PCDHA2: variants seen among roughly 807,000 people sequenced by gnomAD.
PCDHA2 encodes the protein protocadherin alpha 2, also known as protocadherin alpha-2.
A neutral mutation model predicts 66.0 loss-of-function variants in PCDHA2; 58 were observed. That is an observed-to-expected ratio of 0.88 (90% confidence interval 0.71 to 1.09). The LOEUF is 1.09. PCDHA2 is among the 50% of genes least tolerant of loss of function. The pLI, the probability that PCDHA2 is intolerant of heterozygous loss-of-function variation, is 0.00. For missense variants in PCDHA2, 1,267 were observed against 1,242.3 expected (o/e 1.02, Z -0.30); for synonymous variants, 634 against 554.0 (o/e 1.14, Z -2.03).
Position 140,830,193 on chromosome 5 carries a change from T to C in PCDHA2, c.2388+32841T>C, listed in dbSNP as rs1770885787. ...CTGGTGGATGTCAACGTGTACCTGA[T>C]CATCGCCATCTGCGCGGTATCCAGC... is the stretch of plus-strand genomic sequence containing the variant. On this transcript the variant is annotated intron_variant, in intron 1 of 3. Transcript: ENST00000526136. The C allele has an allele frequency of 2.5e-6, 4 of 1,613,664 alleles. No homozygotes were observed. In the African/African-American group the frequency reaches 5.3e-5, roughly 22 times the overall value.
At chr5:140,801,966 A>G in intron 1 of PCDHA2, 1 of 1,614,214 alleles carries the variant, frequency 6.2e-7, no homozygotes, top group Middle Eastern at 1.6e-4. Context: ...AAATGCACCA[A>G]ATGGTACCCT....
chr5:140,870,555 G>A (rs1554164406), intron 1 of PCDHA2: 1 of 1,613,926 alleles, frequency 6.2e-7, no homozygotes, highest in Non-Finnish European at 8.5e-7. Context: ...CGGACGCGCA[G>A]GAGAACGCGC....
chr5:140,857,491 G>A, intron 1 of PCDHA2: 2 of 1,598,340 alleles, frequency 1.3e-6, no homozygotes, highest in Non-Finnish European at 1.7e-6. Flanking sequence ...CGTGGGACGC[G>A]GACGCGCAGG....
At chr5:140,926,704 T>A in intron 1 of PCDHA2, 1 of 842,670 alleles carries the variant, frequency 1.2e-6, no homozygotes, top group Non-Finnish European at 1.7e-6. Context: ...GGCTCCCAGC[T>A]GGCCAGCCCC....
chr5:140,884,135 C>A (rs1554181269), intron 1 of PCDHA2: 1 of 1,613,422 alleles, frequency 6.2e-7, no homozygotes. Context: ...CATCCCGTTC[C>A]GCGTGGGGCT....
At chr5:140,806,703 T>G (rs1251029622) in intron 1 of PCDHA2, among the ~76,000 whole-genome samples, 1 of 152,232 alleles carries the variant, frequency 6.6e-6, no homozygotes, top group Non-Finnish European at 1.5e-5. Flanking sequence ...GAATCTGTAA[T>G]GAATTTTTCT....
Position 140,843,512 on chromosome 5 carries a change from G to T in PCDHA2, c.2388+46160G>T, listed in dbSNP as rs2150361484. The T allele has an allele frequency of 6.3e-6, 10 of 1,595,848 alleles. 1 individual carries two copies. Among genetic ancestry groups the T allele is most frequent in the Non-Finnish European group, 8.6e-6 (10 of 1,165,572 alleles). On this transcript the variant is annotated intron_variant, in intron 1 of 3. Coordinates refer to ENST00000526136, the MANE Select transcript of PCDHA2 (RefSeq NM_018905.3). ...GTGCTCAGCACTGCCCACTGAGGGC[G>T]GGTGCCGGGCGGGCAAGCCCACTCT...
intron 1 of PCDHA2, chr5:140,968,969 A>G (rs1554231287): frequency 1.9e-6 from 3 of 1,614,230 alleles, no homozygotes; most frequent in Non-Finnish European, 2.5e-6. Context: ...CTACCGCTAC[A>G]CTGCGTATGG....
intron 1 of PCDHA2, among the ~76,000 whole-genome samples, chr5:140,946,700 G>T (rs2094011625): frequency 6.7e-6 from 1 of 148,322 alleles, no homozygotes; most frequent in African/African-American, 2.5e-5. Flanking sequence ...GGATGAATCT[G>T]GAGGTCATTA....
At chr5:140,841,819 C>T (rs2150323482) in intron 1 of PCDHA2, 6 of 1,613,756 alleles carry the variant, frequency 3.7e-6, no homozygotes, top group South Asian at 2.2e-5. Context: ...GAGCTAACTC[C>T]GTGTTAACCT....
chr5:140,958,385 A>C (rs2095421525), intron 1 of PCDHA2, among the ~76,000 whole-genome samples: 1 of 152,206 alleles, frequency 6.6e-6, no homozygotes, highest in African/African-American at 2.4e-5. Flanking sequence ...TTTTCTTAAC[A>C]GGTCATCAAA....
chr5:140,961,464 C>G (rs1364555316), intron 1 of PCDHA2, among the ~76,000 whole-genome samples: 1 of 152,126 alleles, frequency 6.6e-6, no homozygotes, highest in Non-Finnish European at 1.5e-5. Flanking sequence ...AGCTGCCTTT[C>G]TTTTTTTGTC....
At chr5:140,918,595 A>T (rs2078770795) in intron 1 of PCDHA2, among the ~76,000 whole-genome samples, 1 of 152,228 alleles carries the variant, frequency 6.6e-6, no homozygotes, top group Non-Finnish European at 1.5e-5. Context: ...TGTTCTATAG[A>T]TGTTGCTATG....
At chr5:140,841,405 C>G (rs2150314710) in intron 1 of PCDHA2, 2 of 1,612,994 alleles carry the variant, frequency 1.2e-6, no homozygotes, top group African/African-American at 1.3e-5. Context: ...AGGTGGGGAG[C>G]GGCCAGCTCC....
In PCDHA2 at chr5:140,806,026, T is replaced by C. The variant is rs545736879; in HGVS notation, c.2388+8674T>C. 3.3e-5 allele frequency among the ~76,000 whole-genome samples: 5 copies of C among 152,270 alleles called. No individual in the cohort carries two copies. In the East Asian group the frequency reaches 9.6e-4, roughly 29 times the overall value. On this transcript the variant is annotated intron_variant, in intron 1 of 3. Transcript: ENST00000526136. ...CACATACTCAAATGCTTATAAGAGA[T>C]AAATTAATGTAATAAATGGCCCACG...
intron 1 of PCDHA2, chr5:140,812,413 T>C (rs2126638676): frequency 6.6e-6 from 1 of 152,122 alleles, no homozygotes; most frequent in African/African-American, 2.4e-5. Context: ...GTCAGTTTTG[T>C]TGTTTTTTCA....
At chr5:140,880,317 A>C (rs1295276378) in intron 1 of PCDHA2, among the ~76,000 whole-genome samples, 1 of 152,248 alleles carries the variant, frequency 6.6e-6, no homozygotes, top group East Asian at 1.9e-4. Flanking sequence ...ACAAGTAAAA[A>C]ATAAGATACT....
intron 1 of PCDHA2, chr5:140,928,710 T>C (rs1370353227): frequency 3.7e-6 from 6 of 1,614,192 alleles, no homozygotes; most frequent in Non-Finnish European, 5.1e-6. Context: ...CGTCTGACTC[T>C]AGTCTCTTTA....
intron 1 of PCDHA2, chr5:140,829,309 G>T (rs2150165707): frequency 1.2e-6 from 2 of 1,614,252 alleles, no homozygotes; most frequent in South Asian, 1.1e-5. Flanking sequence ...ATTACTACTC[G>T]TTGGTGCTGG....
Sources: allele counts gnomAD v4.1 joint callset (sites outside exome capture counted in the v4.1 genomes callset), GRCh38; gene constraint gnomAD v4.1.1; transcripts MANE v1.5; gene names NCBI Gene and HGNC (gene_info 2026-07-23, HGNC 2026-07-21).